OPCML: variants seen among roughly 807,000 people sequenced by gnomAD.
OPCML encodes the protein opioid binding protein/cell adhesion molecule like.
OPCML carries 13 observed loss-of-function variants against 37.8 expected under a neutral mutation model. That is an observed-to-expected ratio of 0.34 (90% CI 0.22 to 0.55). OPCML has a LOEUF of 0.55. OPCML is among the 20% of genes least tolerant of loss of function. The probability of loss-of-function intolerance (pLI) is 0.91; values close to 1 mark genes in which losing one functional copy is unlikely to be tolerated. For synonymous variants in OPCML, 176 were observed against 168.8 expected, an observed-to-expected ratio of 1.04 and a Z score of -0.33; for missense variants, 341 against 435.6, an observed-to-expected ratio of 0.78 and a Z score of 1.93.
At chr11:133,027,893 T>C (rs1413952392) in intron 1 of OPCML, among the ~76,000 whole-genome samples, 1 of 150,924 alleles carries the variant, frequency 6.6e-6, no homozygotes, top group East Asian at 2.0e-4. Flanking sequence ...TACCCTTTCC[T>C]GTGTGAAGGA....
chr11:132,671,209 A>G (rs567066991), intron 2 of OPCML, among the ~76,000 whole-genome samples: 11 of 152,320 alleles, frequency 7.2e-5, no homozygotes, highest in African/African-American at 2.6e-4. Flanking sequence ...CTCCTGTAGA[A>G]TGTCAACTCT....
At chr11:133,114,866 G>A (rs112433048) in intron 1 of OPCML, among the ~76,000 whole-genome samples, 3,149 of 152,186 alleles carry the variant, frequency 0.021, 88 homozygotes, top group African/African-American at 0.064. Flanking sequence ...AAGAGATACC[G>A]AGAAAGAATA....
At chr11:133,426,237 A>C (rs190897206) in intron 1 of OPCML, among the ~76,000 whole-genome samples, 2 of 152,286 alleles carry the variant, frequency 1.3e-5, no homozygotes, top group East Asian at 3.9e-4. Flanking sequence ...AAGGTTCTTA[A>C]AATACAGTGC....
chr11:133,432,471 G>T (rs1946143040), intron 1 of OPCML, among the ~76,000 whole-genome samples: 1 of 152,080 alleles, frequency 6.6e-6, no homozygotes, highest in Admixed American at 6.6e-5. Flanking sequence ...AAACTTCTGG[G>T]CTCAAGTGAT....
intron 1 of OPCML, among the ~76,000 whole-genome samples, chr11:133,476,016 C>T (rs981705632): frequency 2.6e-5 from 4 of 152,122 alleles, no homozygotes; most frequent in Non-Finnish European, 4.4e-5. Flanking sequence ...GACAAAATGG[C>T]TTCAAAAGCT....
chr11:133,211,801 A>T lies in OPCML; in HGVS notation c.62-268791T>A, dbSNP rs138596611. Among the ~76,000 whole-genome samples, 2 of 152,342 alleles carry T rather than the reference A, an allele frequency of 1.3e-5. No individual in the cohort carries two copies. Among genetic ancestry groups the T allele is most frequent in the East Asian group, 3.9e-4 (2 of 5,180 alleles). ...TCACAATTTTTTTAAGTCTTACAAC[A>T]ATCCTAATAAAGTAGACAGTTAAAC... On this transcript the variant is annotated intron_variant, in intron 1 of 7. Coordinates refer to ENST00000524381, the MANE Select transcript of OPCML (RefSeq NM_001012393.5). This position sits in a 1 kb window ranked among gnomAD's most constrained non-coding sequence, Gnocchi z 4.1.
At chr11:132,917,607 T>C (rs532533382) in intron 2 of OPCML, among the ~76,000 whole-genome samples, 1 of 152,282 alleles carries the variant, frequency 6.6e-6, no homozygotes, top group Admixed American at 6.5e-5. Flanking sequence ...CCTCGTTCCC[T>C]CCAAAGAAAT....
chr11:132,843,642 T>A (rs1941396144), intron 2 of OPCML, among the ~76,000 whole-genome samples: 1 of 151,980 alleles, frequency 6.6e-6, no homozygotes, highest in South Asian at 2.1e-4. Flanking sequence ...TGATATCTGT[T>A]GAAGAATGAA....
chr11:132,750,600 A>G (rs1315245772), intron 2 of OPCML, among the ~76,000 whole-genome samples: 1 of 152,242 alleles, frequency 6.6e-6, no homozygotes, highest in Non-Finnish European at 1.5e-5. Flanking sequence ...GGAGATCTGA[A>G]GATCATTTTA....
rs748192161 is a variant in OPCML, at chr11:133,025,030, G to A, written c.62-82020C>T. ...AGGAAGTCCTCAAACTATGCCTTAAGAAACACTTCTAGGCTGATGTGCTGA... is the reference window on the plus strand; with the variant it reads ...AGGAAGTCCTCAAACTATGCCTTAAAAAACACTTCTAGGCTGATGTGCTGA... On this transcript the variant is annotated intron_variant, in intron 1 of 7. Coordinates refer to ENST00000524381, the MANE Select transcript of OPCML (RefSeq NM_001012393.5). 9 of 977,958 alleles carry A rather than the reference G, an allele frequency of 9.2e-6. No individual in the cohort carries two copies. In the Admixed American group the frequency reaches 3.7e-4, roughly 40 times the overall value. The allele number at this position is 977,958 out of a possible 1,614,324, so 60.6% of individuals were successfully genotyped here. A position where few individuals can be genotyped will look rare whatever the true frequency, so the allele number is the denominator to read the frequency against.
chr11:133,136,828 CGTGTGTGTGT>C (rs141952561), intron 1 of OPCML, among the ~76,000 whole-genome samples: 2,396 of 126,360 alleles, frequency 0.019, 28 homozygotes, highest in South Asian at 0.053. Context: ...TCTATGTGCA[CGTGTGTGTGT>C]GTGTGTGTGT....
intron 1 of OPCML, among the ~76,000 whole-genome samples, chr11:133,234,827 A>C (rs1940440365): frequency 6.6e-6 from 1 of 152,200 alleles, no homozygotes; most frequent in African/African-American, 2.4e-5. Flanking sequence ...ATGTTATCTT[A>C]AAAGAGGCAA....
intron 1 of OPCML, among the ~76,000 whole-genome samples, chr11:133,482,025 A>C (rs1031917227): frequency 1.3e-5 from 2 of 152,200 alleles, no homozygotes; most frequent in African/African-American, 4.8e-5. Context: ...CATAAAGCAG[A>C]AACCTGGGCA....
At chr11:132,431,930 A>G (rs780898262) in intron 7 of OPCML, among the ~76,000 whole-genome samples, 4 of 152,170 alleles carry the variant, frequency 2.6e-5, no homozygotes, top group Non-Finnish European at 5.9e-5. Flanking sequence ...CTTTACAAGA[A>G]TGGCTTCAGA....
chr11:132,698,558 C>T (rs954238036), intron 2 of OPCML, among the ~76,000 whole-genome samples: 1 of 152,086 alleles, frequency 6.6e-6, no homozygotes, highest in Non-Finnish European at 1.5e-5. Context: ...ATATGGTTTG[C>T]AAATATTTTC....
chr11:132,670,805 C>T (rs2135815854), intron 2 of OPCML, among the ~76,000 whole-genome samples: 1 of 152,244 alleles, frequency 6.6e-6, no homozygotes, highest in East Asian at 1.9e-4. Flanking sequence ...ATTATATTTA[C>T]ATAATTACTT....
chr11:133,044,814 A>G (rs1947976852), intron 1 of OPCML, among the ~76,000 whole-genome samples: 1 of 152,118 alleles, frequency 6.6e-6, no homozygotes, highest in South Asian at 2.1e-4. Flanking sequence ...ATACAGAACG[A>G]GACTCTACAG....
chr11:133,454,777 T>G (rs188556565), intron 1 of OPCML, among the ~76,000 whole-genome samples: 1 of 152,310 alleles, frequency 6.6e-6, no homozygotes, highest in Admixed American at 6.5e-5. Flanking sequence ...GGTCAAACAT[T>G]CATTTATCTT....
Position 133,439,499 on chromosome 11 carries a change from A to G in OPCML, c.61+92765T>C, listed in dbSNP as rs377682183. The G allele has an allele frequency of 1.7e-3, 1,574 of 947,096 alleles. 8 individuals carry two copies. Among genetic ancestry groups the G allele is most frequent in the African/African-American group, 9.4e-3 (530 of 56,114 alleles). The allele number at this position is 947,096 out of a possible 1,614,324, so 58.7% of individuals were successfully genotyped here. On this transcript the variant is annotated intron_variant, in intron 1 of 7. Coordinates refer to ENST00000524381, the MANE Select transcript of OPCML (RefSeq NM_001012393.5). ...TTTTTCTTTTTTGAGATGGAGTCTC[A>G]CTCTGTCGCCCAGGCTGGAGTGCAG...
Sources: allele counts gnomAD v4.1 joint callset (sites outside exome capture counted in the v4.1 genomes callset), GRCh38; gene constraint gnomAD v4.1.1; non-coding constraint Gnocchi (gnomAD v3.1); transcripts MANE v1.5; gene names NCBI Gene and HGNC (gene_info 2026-07-23, HGNC 2026-07-21).